The following STATH variants were observed in gnomAD, a reference collection of about 807,000 sequenced individuals.
STATH encodes the protein statherin.
A neutral mutation model predicts 13.3 loss-of-function variants in STATH; 11 were observed. That is an observed-to-expected ratio of 0.83 (90% confidence interval 0.52 to 1.37). The LOEUF (loss-of-function observed/expected upper bound fraction) is 1.37. STATH is among the 40% of genes most tolerant of loss of function. The pLI is 0.00. For missense variants in STATH, 78 were observed against 73.3 expected (o/e 1.06, Z -0.24); for synonymous variants, 25 against 23.6 (o/e 1.06, Z -0.17).
chr4:70,001,200 G>T (rs567704535), intron 5 of STATH, among the ~76,000 whole-genome samples: 1 of 151,844 alleles, frequency 6.6e-6, no homozygotes, highest in Non-Finnish European at 1.5e-5. Context: ...GGGGACACCA[G>T]GGTTTGTATG....
intron 1 of STATH, among the ~76,000 whole-genome samples, chr4:69,997,255 A>G (rs944819220): frequency 1.3e-5 from 2 of 152,068 alleles, no homozygotes; most frequent in Non-Finnish European, 2.9e-5. Context: ...CAGAAATTTC[A>G]GTTTGAATAA....
chr4:69,998,644 A>C, intron 2 of STATH, 156 bp downstream of exon 2: 1 of 492,054 alleles, frequency 2.0e-6, no homozygotes, highest in Non-Finnish European at 3.6e-6. Context: ...AACCTACATA[A>C]GCTATATAAG....
Position 69,999,819 on chromosome 4 carries a change from C to T in STATH, c.102+10C>T, listed in dbSNP as rs757484423. On this transcript the variant is annotated intron_variant, in intron 4 of 5. Coordinates refer to ENST00000246895, the MANE Select transcript of STATH (RefSeq NM_003154.3). ...AATTGGAAGATTCGGTGTAAGTGTTCTCTGATAATGCTGTGTAGTCCAAAT... is the reference window on the plus strand; with the variant it reads ...AATTGGAAGATTCGGTGTAAGTGTTTTCTGATAATGCTGTGTAGTCCAAAT... 1.2e-6 allele frequency: 2 copies of T among 1,611,538 alleles called. No individual in the cohort carries two copies. Among genetic ancestry groups the T allele is most frequent in the Non-Finnish European group, 1.7e-6 (2 of 1,178,708 alleles).
chr4:70,000,049 A>G, intron 4 of STATH: 1 of 517,384 alleles, frequency 1.9e-6, no homozygotes. Context: ...GCCCTCAAGT[A>G]TCATCTCCTA....
rs1222133832 is a variant in STATH, at chr4:70,000,017, G to A, written c.102+208G>A. On this transcript the variant is annotated intron_variant, in intron 4 of 5. Coordinates refer to ENST00000246895, the MANE Select transcript of STATH (RefSeq NM_003154.3). ...AAGTTGAAACTCATAGTGCCAACCT[G>A]AAGAAACCAGTTACTCCCTGAGCCC... 5 of 574,418 alleles carry A rather than the reference G, an allele frequency of 8.7e-6. No homozygotes were observed. In the Admixed American group the frequency reaches 1.6e-4, roughly 18 times the overall value. The allele number at this position is 574,418 out of a possible 1,614,324, so 35.6% of individuals were successfully genotyped here.
rs760500812 is a variant in STATH at position 69,999,804 on chromosome 4, T to C, written c.97T>C (p.Phe33Leu). The C allele has an allele frequency of 9.3e-6, 15 of 1,612,152 alleles. No homozygotes were observed. The highest frequency in any genetic ancestry group is 1.7e-5 in the Admixed American group (1 of 59,846). Reference protein sequence around the residue: ...EEKFLRRIGRFGYGYGPYQPV... With the variant: ...EEKFLRRIGRLGYGYGPYQPV... ...GAAATTTTTGCGTAGAATTGGAAGA[T>C]TCGGTGTAAGTGTTCTCTGATAATG... Residue 33 changes from phenylalanine (F) to leucine (L), a missense_variant, in exon 4 of 6, where the codon TTC becomes CTC. By Grantham distance (22) the Phe-to-Leu change is conservative. Transcript: ENST00000246895.
Position 70,002,411 on chromosome 4 carries a change from G to T in STATH, c.*256G>T, listed in dbSNP as rs961883234. ...TGTTCAGTACTGTTTCTGAATAATA[G>T]AAATCACTTCTCTAAAAGCAATAAA... On this transcript the variant is annotated 3_prime_UTR_variant, in exon 6 of 6. Coordinates refer to ENST00000246895, the MANE Select transcript of STATH (RefSeq NM_003154.3). The T allele has an allele frequency of 2.0e-5, 3 of 151,550 alleles. No homozygotes were observed. The highest frequency in any genetic ancestry group is 3.0e-5 in the Non-Finnish European group (2 of 67,736). 9.4% of individuals were successfully genotyped at this position (151,550 alleles called of 1,614,324 possible).
chr4:69,998,499 C>A lies in STATH; in HGVS notation c.51+11C>A. ...ATGGTTTCCATGATTGTAAGTATAT[C>A]AGGACATTTGAAGAATATGTTCTCA... is the stretch of plus-strand genomic sequence containing the variant. On this transcript the variant is annotated intron_variant, in intron 2 of 5. Coordinates refer to ENST00000246895, the MANE Select transcript of STATH (RefSeq NM_003154.3). 6.2e-7 allele frequency: 1 copy of A among 1,609,348 alleles called. No individual in the cohort carries two copies. The highest frequency in any genetic ancestry group is 1.1e-5 in the South Asian group (1 of 90,688).
At chr4:69,999,972 A>G in intron 4 of STATH, 163 bp downstream of exon 4, 1 of 775,896 alleles carries the variant, frequency 1.3e-6, no homozygotes, top group South Asian at 1.9e-5. Flanking sequence ...TCACAAATGT[A>G]TTGTGTCCTA....
Position 69,999,667 on chromosome 4 carries a change from GGAGCTGATTCATCTGAA to G in STATH, c.56_72del (p.Ala19GlufsTer5), listed in dbSNP as rs1560414082. 1 of 1,610,248 alleles carries G rather than the reference GGAGCTGATTCATCTGAA, an allele frequency of 6.2e-7. No individual in the cohort carries two copies. Among genetic ancestry groups the G allele is most frequent in the Admixed American group, 1.7e-5 (1 of 59,734 alleles). ...ATTGTCTAATTTTCTGTTTTCTAAG[GGAGCTGATTCATCTGAA>G]GAGGTGAGTCATTTTCATTCACTGG... On this transcript the variant is annotated frameshift_variant and splice_region_variant, in exon 3 of 6. Transcript: ENST00000246895. LOFTEE classifies it high-confidence loss of function.
intron 1 of STATH, among the ~76,000 whole-genome samples, chr4:69,998,185 G>A (rs1205517345): frequency 2.0e-5 from 3 of 151,988 alleles, no homozygotes; most frequent in African/African-American, 7.2e-5. Flanking sequence ...CTTGGTCTGT[G>A]TAAGGTGTTG....
chr4:69,999,549 TC>T, intron 2 of STATH, 117 bp from the exon 3 acceptor site: 3 of 924,530 alleles, frequency 3.2e-6, no homozygotes, highest in Non-Finnish European at 5.0e-6. Context: ...TTAGTGTCTA[TC>T]GATGATTTGC....
intron 1 of STATH, 154 bp from the exon 2 acceptor site, chr4:69,998,269 A>C (rs1339295582): frequency 5.2e-6 from 3 of 579,898 alleles, no homozygotes; most frequent in Non-Finnish European, 9.3e-6. Context: ...GTCTCCAACA[A>C]GTCTCCAAGT....
intron 2 of STATH, among the ~76,000 whole-genome samples, chr4:69,999,316 TA>T (rs1724585325): frequency 6.6e-6 from 1 of 151,922 alleles, no homozygotes; most frequent in Non-Finnish European, 1.5e-5. Context: ...TCTCTGTCAG[TA>T]AATAAAAGTT....
chr4:69,997,771 T>C (rs189735514), intron 1 of STATH, among the ~76,000 whole-genome samples: 290 of 152,292 alleles, frequency 1.9e-3, no homozygotes, highest in African/African-American at 6.7e-3. Context: ...GATTGTTCTC[T>C]ACCCAGTATC....
chr4:70,000,652 A>C (rs1178832151), intron 4 of STATH: 3 of 492,254 alleles, frequency 6.1e-6, no homozygotes, highest in African/African-American at 5.8e-5. Context: ...AACTGTGAAC[A>C]TGCAGTACAA....
At position 70,000,952 on chromosome 4, in the gene STATH, T is replaced by C; in HGVS notation, c.*3T>C. 1 of 1,609,764 alleles carries C rather than the reference T, an allele frequency of 6.2e-7. No homozygotes were observed. The highest frequency in any genetic ancestry group is 8.5e-7 in the Non-Finnish European group (1 of 1,176,526). On this transcript the variant is annotated 3_prime_UTR_variant, in exon 5 of 6. Coordinates refer to ENST00000246895, the MANE Select transcript of STATH (RefSeq NM_003154.3). ...AATACCAACAATATACCTTTTAATA[T>C]CATCAGTAACTGCAGGACATGATTA... is the stretch of plus-strand genomic sequence containing the variant.
At chr4:69,999,749 G>T (rs1724602421) in intron 3 of STATH, 31 bp from the exon 4 acceptor site, 1 of 1,611,456 alleles carries the variant, frequency 6.2e-7, no homozygotes, top group South Asian at 1.1e-5. Flanking sequence ...CATTTGTATT[G>T]AATTATTAAA....
intron 4 of STATH, 35 bp downstream of exon 4, chr4:69,999,844 T>C: frequency 6.2e-7 from 1 of 1,606,870 alleles, no homozygotes; most frequent in Non-Finnish European, 8.5e-7. Flanking sequence ...GTAGTCCAAA[T>C]AAATTGTGTT....
Sources: allele counts gnomAD v4.1 joint callset (sites outside exome capture counted in the v4.1 genomes callset), GRCh38; gene constraint gnomAD v4.1.1; transcripts MANE v1.5; gene names NCBI Gene and HGNC (gene_info 2026-07-23, HGNC 2026-07-21).